LRMDA: variants seen among roughly 807,000 people sequenced by gnomAD.
The protein encoded by LRMDA is leucine rich melanocyte differentiation associated.
In LRMDA, 18 loss-of-function variants were observed where a neutral mutation model predicts 29.8. The ratio of observed to expected loss-of-function variants is 0.60; its 90% confidence interval spans 0.42 to 0.90. LRMDA has a LOEUF of 0.90. Among genes scored for constraint, LRMDA ranks in the 40% least tolerant of loss-of-function variants. The pLI is 0.00. For missense variants in LRMDA, 273 were observed against 273.9 expected (o/e 1.00, Z 0.02); for synonymous variants, 125 against 109.4 (o/e 1.14, Z -0.89).
intron 5 of LRMDA, among the ~76,000 whole-genome samples, chr10:76,105,398 G>T (rs1432749996): frequency 1.3e-5 from 2 of 151,610 alleles, no homozygotes; most frequent in Non-Finnish European, 2.9e-5. Context: ...CCTGGAACCT[G>T]TGAATGTGGG....
intron 6 of LRMDA, among the ~76,000 whole-genome samples, chr10:76,474,627 C>A (rs1230951276): frequency 6.6e-6 from 1 of 151,650 alleles, no homozygotes; most frequent in Non-Finnish European, 1.5e-5. Context: ...CCACCAGAGG[C>A]TCAACATCAT....
intron 6 of LRMDA, among the ~76,000 whole-genome samples, chr10:76,390,904 T>G (rs1418498190): frequency 6.6e-6 from 1 of 152,182 alleles, no homozygotes; most frequent in African/African-American, 2.4e-5. Context: ...ATAAGTTTTA[T>G]TTGGGGCCTG....
chr10:75,698,663 CTT>C (rs551699732), intron 2 of LRMDA, among the ~76,000 whole-genome samples: 28 of 130,432 alleles, frequency 2.1e-4, no homozygotes, highest in East Asian at 4.3e-4. Context: ...ACCTTCACCT[CTT>C]TTTTTTTTTT....
chr10:76,221,148 A>G (rs1228203616), intron 5 of LRMDA, among the ~76,000 whole-genome samples: 2 of 151,950 alleles, frequency 1.3e-5, no homozygotes, highest in Non-Finnish European at 2.9e-5. Flanking sequence ...ATCTATGACA[A>G]ACCCACAGCC....
chr10:75,715,531 C>T (rs1296699788), intron 2 of LRMDA, among the ~76,000 whole-genome samples: 1 of 152,048 alleles, frequency 6.6e-6, no homozygotes, highest in Non-Finnish European at 1.5e-5. Flanking sequence ...TGTATTTGCA[C>T]ATATCAATAT....
intron 2 of LRMDA, among the ~76,000 whole-genome samples, chr10:75,867,470 A>AT (rs1845040531): frequency 6.6e-6 from 1 of 152,096 alleles, no homozygotes. Flanking sequence ...CATGATACAG[A>AT]TTTTACAGCT....
chr10:76,461,276 G>A (rs1368362152), intron 6 of LRMDA, among the ~76,000 whole-genome samples: 1 of 152,136 alleles, frequency 6.6e-6, no homozygotes, highest in Non-Finnish European at 1.5e-5. Flanking sequence ...AAGAACCAAA[G>A]TCCTGTGTAA....
intron 2 of LRMDA, among the ~76,000 whole-genome samples, chr10:75,910,875 T>C (rs1402000485): frequency 1.3e-5 from 2 of 152,212 alleles, no homozygotes; most frequent in Non-Finnish European, 2.9e-5. Flanking sequence ...TTCCATGGGT[T>C]CTCTGTCTCT....
At chr10:75,701,088 G>A (rs1842303046) in intron 2 of LRMDA, among the ~76,000 whole-genome samples, 1 of 152,170 alleles carries the variant, frequency 6.6e-6, no homozygotes, top group Non-Finnish European at 1.5e-5. Flanking sequence ...TGACTGTGCT[G>A]GCCTTGGATG....
chr10:75,953,628 T>C (rs1356537920), intron 2 of LRMDA, among the ~76,000 whole-genome samples: 1 of 152,194 alleles, frequency 6.6e-6, no homozygotes, highest in Non-Finnish European at 1.5e-5. Flanking sequence ...AGTCAAGTCA[T>C]TCTTGACATT....
intron 2 of LRMDA, among the ~76,000 whole-genome samples, chr10:75,980,466 T>C (rs1433250784): frequency 6.6e-6 from 1 of 152,214 alleles, no homozygotes; most frequent in Non-Finnish European, 1.5e-5. Flanking sequence ...GACAGTGACT[T>C]ACAGTGGGTA....
chr10:76,078,828 C>A (rs1452188942), intron 5 of LRMDA, among the ~76,000 whole-genome samples: 1 of 152,116 alleles, frequency 6.6e-6, no homozygotes, highest in Non-Finnish European at 1.5e-5. Flanking sequence ...GAGCGAGATT[C>A]TGTCTCAAAA....
chr10:76,334,371 C>T (rs1264752604), intron 6 of LRMDA, among the ~76,000 whole-genome samples: 2 of 152,180 alleles, frequency 1.3e-5, no homozygotes, highest in East Asian at 3.9e-4. Context: ...TTTTTTGGAA[C>T]AAATAAACAA....
intron 2 of LRMDA, among the ~76,000 whole-genome samples, chr10:75,659,997 G>A (rs991392149): frequency 1.3e-5 from 2 of 151,930 alleles, no homozygotes; most frequent in African/African-American, 4.8e-5. Context: ...AGTCATAGGC[G>A]ACTTTCTCTT....
intron 6 of LRMDA, among the ~76,000 whole-genome samples, chr10:76,460,377 G>C (rs894123904): frequency 6.6e-6 from 1 of 152,228 alleles, no homozygotes; most frequent in Admixed American, 6.5e-5. Context: ...TATTGCTAAT[G>C]CTGCTAGTCC....
intron 5 of LRMDA, among the ~76,000 whole-genome samples, chr10:76,112,292 G>GCA (rs1450870728): frequency 1.3e-5 from 2 of 152,182 alleles, no homozygotes. Flanking sequence ...CTCTCCCTGA[G>GCA]CACACTGGGG....
At chr10:75,551,899 T>G (rs1250005848) in intron 2 of LRMDA, among the ~76,000 whole-genome samples, 2 of 151,350 alleles carry the variant, frequency 1.3e-5, no homozygotes, top group African/African-American at 2.4e-5. Context: ...AAATATTAGC[T>G]GGGTGTGGTG....
chr10:75,875,863 G>A (rs1845188526), intron 2 of LRMDA, among the ~76,000 whole-genome samples: 1 of 152,210 alleles, frequency 6.6e-6, no homozygotes, highest in South Asian at 2.1e-4. Context: ...TGATTTGACA[G>A]CATTGATTGG....
intron 2 of LRMDA, among the ~76,000 whole-genome samples, chr10:75,943,590 C>A (rs1438950893): frequency 6.6e-6 from 1 of 152,132 alleles, no homozygotes; most frequent in African/African-American, 2.4e-5. Context: ...GTGAATTGAT[C>A]TCCTGTGATA....
Sources: allele counts gnomAD v4.1 joint callset (sites outside exome capture counted in the v4.1 genomes callset), GRCh38; gene constraint gnomAD v4.1.1; transcripts MANE v1.5; gene names NCBI Gene and HGNC (gene_info 2026-07-23, HGNC 2026-07-21).